MAGI2: variants seen among roughly 807,000 people sequenced by gnomAD.
The protein encoded by MAGI2 is membrane associated guanylate kinase, WW and PDZ domain containing 2, also known as membrane-associated guanylate kinase, WW and PDZ domain-containing protein 2.
A neutral mutation model predicts 133.3 loss-of-function variants in MAGI2; 35 were observed. That is an observed-to-expected ratio of 0.26 (90% confidence interval 0.20 to 0.35). The LOEUF (loss-of-function observed/expected upper bound fraction) is 0.35. Ranked by LOEUF, MAGI2 falls within the 10% of genes least tolerant of loss-of-function variation. The pLI, the probability that MAGI2 is intolerant of heterozygous loss-of-function variation, is 1.00. For missense variants in MAGI2, 1,636 were observed against 1,863.4 expected, an observed-to-expected ratio of 0.88 and a Z score of 2.25; for synonymous variants, 729 against 710.6, an observed-to-expected ratio of 1.03 and a Z score of -0.41.
chr7:78,660,717 C>T (rs571240014), intron 2 of MAGI2, among the ~76,000 whole-genome samples: 1 of 152,284 alleles, frequency 6.6e-6, no homozygotes, highest in East Asian at 1.9e-4. Flanking sequence ...TTACTTAGAA[C>T]ATTTCTCCAT....
chr7:78,867,399 A>C (rs1794649038), intron 2 of MAGI2, among the ~76,000 whole-genome samples: 1 of 151,144 alleles, frequency 6.6e-6, no homozygotes, highest in South Asian at 2.1e-4. Flanking sequence ...AGGGACATGG[A>C]TGAAATTGGA....
chr7:79,432,042 T>C (rs1847813845), intron 1 of MAGI2, among the ~76,000 whole-genome samples: 1 of 152,210 alleles, frequency 6.6e-6, no homozygotes, highest in Admixed American at 6.5e-5. Flanking sequence ...CATAATTCCA[T>C]GTGAAATGGT....
chr7:78,400,367 A>G (rs1796746683), intron 6 of MAGI2, among the ~76,000 whole-genome samples: 1 of 152,158 alleles, frequency 6.6e-6, no homozygotes, highest in South Asian at 2.1e-4. Context: ...ATTTTTAAGT[A>G]CATTCAGCTC....
intron 1 of MAGI2, among the ~76,000 whole-genome samples, chr7:79,140,763 G>A (rs374912275): frequency 8.6e-5 from 13 of 151,854 alleles, no homozygotes; most frequent in Non-Finnish European, 1.5e-4. Context: ...TTGGTATATC[G>A]TTGTTCTCCC....
At chr7:78,297,547 T>C (rs932980887) in intron 9 of MAGI2, among the ~76,000 whole-genome samples, 4 of 149,120 alleles carry the variant, frequency 2.7e-5, no homozygotes, top group Non-Finnish European at 4.5e-5. Context: ...TATTGCGGCA[T>C]TATTCACAAT....
rs1447993074 is a variant in MAGI2, at chr7:78,536,743, T to TTTG, written c.539-15099_539-15098insCAA. 2.3e-3 allele frequency among the ~76,000 whole-genome samples: 315 copies of TTTG among 138,234 alleles called. 1 individual carries two copies. Among genetic ancestry groups the TTTG allele is most frequent in the Middle Eastern group, 3.7e-3 (1 of 268 alleles). The allele number at this position is 138,234 out of a possible 152,430, so 90.7% of individuals were successfully genotyped here. A position where few individuals can be genotyped will look rare whatever the true frequency, so the allele number is the denominator to read the frequency against. Reference sequence around the variant, plus strand: ...TTTTAAAAAATTTCAATAGTTTTTTTTTTGTTTTTGTTGTTGTTTTTTTTT... The same window carrying TTTG: ...TTTTAAAAAATTTCAATAGTTTTTTTTTGTTTGTTTTTGTTGTTGTTTTTTTTT... On this transcript the variant is annotated intron_variant, in intron 3 of 21. Coordinates refer to ENST00000354212, the MANE Select transcript of MAGI2 (RefSeq NM_012301.4).
intron 6 of MAGI2, among the ~76,000 whole-genome samples, chr7:78,470,091 TCTCA>T (rs1563047454): frequency 6.6e-6 from 1 of 152,110 alleles, no homozygotes; most frequent in African/African-American, 2.4e-5. Context: ...CATGCATCTT[TCTCA>T]CTGTCAAGTT....
At chr7:79,068,819 T>G (rs1015158527) in intron 1 of MAGI2, among the ~76,000 whole-genome samples, 4 of 152,208 alleles carry the variant, frequency 2.6e-5, no homozygotes, top group Admixed American at 2.0e-4. Flanking sequence ...AAATAACATC[T>G]TTATTTCTGC....
rs115546576 is a variant in MAGI2, at chr7:78,584,085, T to C, written c.538+43035A>G. 3.3e-3 allele frequency among the ~76,000 whole-genome samples: 495 copies of C among 152,128 alleles called. 3 individuals are homozygous for C. Among genetic ancestry groups the C allele is most frequent in the African/African-American group, 0.011 (473 of 41,498 alleles). ...AACCAAATCAAACAACAATAAACAT[T>C]TAAACTTCAGAGTACTAGCTCAGAG... is the stretch of plus-strand genomic sequence containing the variant. On this transcript the variant is annotated intron_variant, in intron 3 of 21. Transcript: ENST00000354212.
intron 3 of MAGI2, among the ~76,000 whole-genome samples, chr7:78,538,279 C>T (rs1260049526): frequency 1.3e-5 from 2 of 152,120 alleles, no homozygotes; most frequent in Non-Finnish European, 2.9e-5. Context: ...CAAATTTGTT[C>T]TTTTTGCTTA....
At chr7:79,321,508 A>G (rs540675096) in intron 1 of MAGI2, among the ~76,000 whole-genome samples, 153 of 152,286 alleles carry the variant, frequency 1.0e-3, no homozygotes, top group Non-Finnish European at 1.9e-3. Flanking sequence ...AGTAGTGTCT[A>G]CTGACAAAAG....
chr7:79,378,197 T>C (rs113184567), intron 1 of MAGI2, among the ~76,000 whole-genome samples: 20 of 151,990 alleles, frequency 1.3e-4, no homozygotes, highest in African/African-American at 4.8e-4. Flanking sequence ...AACAACACTT[T>C]GATATAATTA....
Position 78,810,582 on chromosome 7 carries a change from A to C in MAGI2, c.419-183343T>G, listed in dbSNP as rs542334097. On this transcript the variant is annotated intron_variant, in intron 2 of 21. Transcript: ENST00000354212. ...TGAACTCTTTTTTGTTTTCCCAAGA[A>C]ATATTTAACTCTGAATTATGAGTTT... 9.9e-5 allele frequency among the ~76,000 whole-genome samples: 15 copies of C among 152,232 alleles called. No homozygotes were observed. The South Asian group carries it at 3.1e-3, about 32-fold the overall frequency.
At chr7:79,217,394 A>G (rs984175411) in intron 1 of MAGI2, among the ~76,000 whole-genome samples, 9 of 152,070 alleles carry the variant, frequency 5.9e-5, no homozygotes, top group Admixed American at 6.5e-5. Flanking sequence ...AGCTATAATA[A>G]GGACAATAAC....
At chr7:79,046,673 C>A (rs1380359132) in intron 1 of MAGI2, among the ~76,000 whole-genome samples, 1 of 152,194 alleles carries the variant, frequency 6.6e-6, no homozygotes, top group Non-Finnish European at 1.5e-5. Context: ...AAGTTGAGGA[C>A]AGAATCCTCC....
At chr7:79,161,036 T>C (rs544731452) in intron 1 of MAGI2, among the ~76,000 whole-genome samples, 1 of 152,012 alleles carries the variant, frequency 6.6e-6, no homozygotes, top group South Asian at 2.1e-4. Context: ...TTAAAAAGGG[T>C]TCCTGGGATC....
At chr7:78,885,961 T>C (rs1796229334) in intron 2 of MAGI2, among the ~76,000 whole-genome samples, 1 of 152,204 alleles carries the variant, frequency 6.6e-6, no homozygotes, top group Non-Finnish European at 1.5e-5. Context: ...CTCCAGTTTA[T>C]TGATTCTCTT....
intron 21 of MAGI2, among the ~76,000 whole-genome samples, chr7:78,063,371 A>G (rs1187534505): frequency 6.6e-6 from 1 of 152,150 alleles, no homozygotes; most frequent in Non-Finnish European, 1.5e-5. Context: ...TTTCCCAAGT[A>G]GATGGAACTA....
At chr7:79,210,912 C>T (rs899587152) in intron 1 of MAGI2, among the ~76,000 whole-genome samples, 2 of 152,044 alleles carry the variant, frequency 1.3e-5, no homozygotes, top group African/African-American at 2.4e-5. Flanking sequence ...TTCTCACATG[C>T]CATGAGTTTG....
Sources: allele counts gnomAD v4.1 joint callset (sites outside exome capture counted in the v4.1 genomes callset), GRCh38; gene constraint gnomAD v4.1.1; transcripts MANE v1.5; gene names NCBI Gene and HGNC (gene_info 2026-07-23, HGNC 2026-07-21).